The following SLC12A8 variants were observed in gnomAD, a reference collection of about 807,000 sequenced individuals.
SLC12A8 encodes the protein solute carrier family 12 member 8.
SLC12A8 carries 69 observed loss-of-function variants against 75.6 expected under a neutral mutation model. That is an observed-to-expected ratio of 0.91 (90% CI 0.75 to 1.11). The LOEUF is 1.11. SLC12A8 is among the 50% of genes most tolerant of loss of function. SLC12A8 has a pLI of 0.00. For missense variants in SLC12A8, 877 were observed against 896.7 expected (o/e 0.98, Z 0.28); for synonymous variants, 365 against 372.8 (o/e 0.98, Z 0.24).
intron 2 of SLC12A8, among the ~76,000 whole-genome samples, chr3:125,208,791 C>CACACACAGAG (rs1368605617): frequency 1.8e-4 from 15 of 84,180 alleles, no homozygotes; most frequent in Non-Finnish European, 2.8e-4. Context: ...CACACACACA[C>CACACACAGAG]AGAGAGAGAG....
chr3:125,104,779 C>A (rs1444212120), intron 10 of SLC12A8, among the ~76,000 whole-genome samples: 2 of 152,140 alleles, frequency 1.3e-5, no homozygotes, highest in Non-Finnish European at 2.9e-5. Context: ...TTTGAGGAAG[C>A]CTCCTCCAAA....
chr3:125,207,327 T>C (rs902700871), intron 2 of SLC12A8, among the ~76,000 whole-genome samples: 6 of 152,128 alleles, frequency 3.9e-5, no homozygotes, highest in African/African-American at 1.4e-4. Context: ...ATGAATCCAG[T>C]GTACTAGTTA....
At chr3:125,178,336 A>C (rs1018638855) in intron 4 of SLC12A8, among the ~76,000 whole-genome samples, 1 of 152,152 alleles carries the variant, frequency 6.6e-6, no homozygotes, top group African/African-American at 2.4e-5. Flanking sequence ...ACAAGAACAC[A>C]CAGGGGGTCC....
chr3:125,123,371 G>GAAAAAAA (rs34868769), intron 6 of SLC12A8, among the ~76,000 whole-genome samples: 1 of 103,948 alleles, frequency 9.6e-6, no homozygotes, highest in Non-Finnish European at 1.9e-5. Context: ...TCCATCTCAG[G>GAAAAAAA]AAAAAAAAAA....
At chr3:125,207,236 C>A (rs534967726) in intron 2 of SLC12A8, among the ~76,000 whole-genome samples, 1 of 152,264 alleles carries the variant, frequency 6.6e-6, no homozygotes, top group South Asian at 2.1e-4. Context: ...CTTTGGCCTG[C>A]AGACCTCCTA....
chr3:125,159,218 T>C (rs375865508), intron 5 of SLC12A8, among the ~76,000 whole-genome samples: 1 of 152,210 alleles, frequency 6.6e-6, no homozygotes, highest in Non-Finnish European at 1.5e-5. Flanking sequence ...ACTGAATACA[T>C]GTACCTAATT....
intron 4 of SLC12A8, among the ~76,000 whole-genome samples, chr3:125,181,952 C>G (rs889433232): frequency 2.6e-5 from 4 of 152,058 alleles, no homozygotes; most frequent in African/African-American, 9.7e-5. Flanking sequence ...TTTGGGAGAC[C>G]AAGGTGAGAG....
At chr3:125,185,577 A>C (rs979533221) in intron 4 of SLC12A8, among the ~76,000 whole-genome samples, 5 of 152,122 alleles carry the variant, frequency 3.3e-5, no homozygotes, top group African/African-American at 1.2e-4. Flanking sequence ...AAACTCCTCC[A>C]AAAAATAGAG....
chr3:125,123,099 G>A (rs978148814), intron 6 of SLC12A8, among the ~76,000 whole-genome samples: 3 of 152,190 alleles, frequency 2.0e-5, no homozygotes, highest in South Asian at 2.1e-4. Context: ...TTGAGGCTGG[G>A]TGTAATGGCT....
intron 1 of SLC12A8, 79 bp from the exon 2 acceptor site, chr3:125,211,473 A>C: frequency 1.2e-6 from 1 of 834,486 alleles, no homozygotes; most frequent in Non-Finnish European, 2.1e-6. Flanking sequence ...TCTCTACTAG[A>C]ATTGTTCAAA....
chr3:125,110,478 C>T (rs1939160576), intron 8 of SLC12A8, 143 bp from the exon 9 acceptor site: 1 of 675,246 alleles, frequency 1.5e-6, no homozygotes, highest in Admixed American at 3.0e-5. Flanking sequence ...TTCCACATCC[C>T]CAGCCTCGCC....
intron 3 of SLC12A8, among the ~76,000 whole-genome samples, chr3:125,188,080 G>A (rs1934829738): frequency 6.6e-6 from 1 of 152,150 alleles, no homozygotes; most frequent in South Asian, 2.1e-4. Flanking sequence ...TTGGAGGTGG[G>A]GCCTGGTGGG....
intron 13 of SLC12A8, among the ~76,000 whole-genome samples, chr3:125,086,143 A>C (rs1399510874): frequency 1.3e-5 from 2 of 152,036 alleles, no homozygotes; most frequent in Non-Finnish European, 2.9e-5. Context: ...CAGCCTCTCA[A>C]AGTCCTGGGG....
At chr3:125,141,383 T>C (rs1294678464) in intron 5 of SLC12A8, among the ~76,000 whole-genome samples, 1 of 152,092 alleles carries the variant, frequency 6.6e-6, no homozygotes, top group African/African-American at 2.4e-5. Context: ...CCTACCCTCC[T>C]CCCCTTAGCC....
At chr3:125,198,829 G>A (rs1935057764) in intron 2 of SLC12A8, among the ~76,000 whole-genome samples, 1 of 150,556 alleles carries the variant, frequency 6.6e-6, no homozygotes, top group African/African-American at 2.4e-5. Context: ...CCAGGCTGGA[G>A]TGCAGTGGCG....
intron 5 of SLC12A8, among the ~76,000 whole-genome samples, chr3:125,171,940 G>A (rs376757681): frequency 0.015 from 25 of 1,638 alleles, no homozygotes; most frequent in Non-Finnish European, 0.033. Context: ...AAAAAAAAAA[G>A]AAAATTAAAA....
Position 125,110,297 on chromosome 3 carries a change from G to A in SLC12A8, c.951C>T (p.Tyr317=), listed in dbSNP as rs1939155416. Residue 317 remains tyrosine, a synonymous_variant, in exon 9 of 14, where the codon TAC becomes TAT. Transcript: ENST00000469902. ...LMGFLFLLGL[Y]ISSLASCMGG... ...CCATGCAGGAAGCCAGGGACGAGAT[G>A]TATAAGCCCAAAAGGAACAGGAAGC... is the stretch of plus-strand genomic sequence containing the variant. The A allele has an allele frequency of 1.9e-6, 3 of 1,614,020 alleles. No individual in the cohort carries two copies. Among genetic ancestry groups the A allele is most frequent in the African/African-American group, 2.7e-5 (2 of 75,028 alleles).
intron 2 of SLC12A8, among the ~76,000 whole-genome samples, chr3:125,196,325 T>C (rs565286069): frequency 1.1e-3 from 167 of 152,340 alleles, no homozygotes; most frequent in African/African-American, 2.1e-3. Flanking sequence ...TGTATCACAT[T>C]CGAAAACAAA....
chr3:125,170,061 G>C (rs1398759), intron 5 of SLC12A8, among the ~76,000 whole-genome samples: 85,948 of 151,990 alleles, frequency 0.57, 25,109 homozygotes, highest in East Asian at 0.77. Flanking sequence ...CCTCATTAAT[G>C]ATTCAAGAAA....
Sources: gnomAD v4.1 joint callset for allele counts (sites outside exome capture counted in the v4.1 genomes callset) on GRCh38, gnomAD v4.1.1 for gene constraint, MANE v1.5 for transcripts, NCBI Gene and HGNC (gene_info 2026-07-23, HGNC 2026-07-21) for gene names.